ARHGAP25: variants seen among roughly 807,000 people sequenced by gnomAD.
ARHGAP25 encodes rho GTPase-activating protein 25.
In ARHGAP25, 34 loss-of-function variants were observed where a neutral mutation model predicts 71.0. The ratio of observed to expected loss-of-function variants is 0.48; its 90% CI spans 0.36 to 0.64. The LOEUF is 0.64. Among genes scored for constraint, ARHGAP25 ranks in the 30% least tolerant of loss-of-function variants. ARHGAP25 has a pLI of 0.00. For synonymous variants in ARHGAP25, 282 were observed against 296.5 expected, an observed-to-expected ratio of 0.95 and a Z score of 0.50; for missense variants, 706 against 805.1, an observed-to-expected ratio of 0.88 and a Z score of 1.49.
At chr2:68,782,663 A>C (rs2104391026) in intron 3 of ARHGAP25, among the ~76,000 whole-genome samples, 1 of 152,342 alleles carries the variant, frequency 6.6e-6, no homozygotes, top group South Asian at 2.1e-4. Context: ...CTCATTGTAG[A>C]AGGAGAGTAG....
At chr2:68,743,833 G>C (rs1675659989) in intron 1 of ARHGAP25, among the ~76,000 whole-genome samples, 1 of 152,118 alleles carries the variant, frequency 6.6e-6, no homozygotes, top group African/African-American at 2.4e-5. Flanking sequence ...ATGGAACTCA[G>C]TGTGAAAACC....
chr2:68,719,212 A>AC lies in ARHGAP25; in HGVS notation c.-18+8518dup, dbSNP rs1490854821. Among the ~76,000 whole-genome samples, 3 of 152,206 alleles carry AC rather than the reference A, an allele frequency of 2.0e-5. No homozygotes were observed. The East Asian group carries it at 5.8e-4, about 29-fold the overall frequency. On this transcript the variant is annotated intron_variant and NMD_transcript_variant, in intron 2 of 7. Transcript: ENST00000463483. ...TTTAAACTATTCTAGCAAATTATCA[A>AC]CCCCAAGGAGAGGGTCATGGGAGCC... is the stretch of plus-strand genomic sequence containing the variant.
At chr2:68,754,107 G>A (rs919866203) in intron 1 of ARHGAP25, among the ~76,000 whole-genome samples, 3 of 152,060 alleles carry the variant, frequency 2.0e-5, no homozygotes, top group Non-Finnish European at 2.9e-5. Flanking sequence ...GTTTCACCAT[G>A]TTAGCCTGGA....
intron 4 of ARHGAP25, among the ~76,000 whole-genome samples, chr2:68,800,898 A>T (rs577043844): frequency 1.8e-4 from 28 of 152,126 alleles, no homozygotes; most frequent in African/African-American, 6.7e-4. Flanking sequence ...TGGTAATTAT[A>T]TTACTTATAA....
intron 5 of ARHGAP25, among the ~76,000 whole-genome samples, chr2:68,810,086 C>T (rs1573604885): frequency 6.8e-6 from 1 of 147,080 alleles, no homozygotes. Flanking sequence ...AGCCGTTGAA[C>T]CCAGAAGCCA....
At chr2:68,781,156 G>C (rs1165826703) in intron 2 of ARHGAP25, among the ~76,000 whole-genome samples, 1 of 152,118 alleles carries the variant, frequency 6.6e-6, no homozygotes, top group Non-Finnish European at 1.5e-5. Context: ...GGGAGGCTGA[G>C]GTGGGTGGAT....
chr2:68,783,259 T>C (rs1031563504), intron 3 of ARHGAP25, among the ~76,000 whole-genome samples: 11 of 152,174 alleles, frequency 7.2e-5, no homozygotes, highest in Admixed American at 6.5e-5. Flanking sequence ...ATAATGATAA[T>C]AGTAAAGATT....
intron 2 of ARHGAP25, among the ~76,000 whole-genome samples, chr2:68,729,484 C>G (rs1674959243): frequency 6.6e-6 from 1 of 152,158 alleles, no homozygotes; most frequent in Admixed American, 6.5e-5. Flanking sequence ...TGATTCCTTG[C>G]AAAATCACTC....
intron 4 of ARHGAP25, 131 bp from the exon 5 acceptor site, chr2:68,807,142 T>G: frequency 2.5e-6 from 2 of 808,998 alleles, no homozygotes; most frequent in Non-Finnish European, 4.1e-6. Flanking sequence ...TTCTGAGTGA[T>G]TTATCTCCCA....
chr2:68,782,007 C>A (rs919056400), intron 2 of ARHGAP25, among the ~76,000 whole-genome samples: 2 of 152,124 alleles, frequency 1.3e-5, no homozygotes, highest in Non-Finnish European at 2.9e-5. Context: ...TATATCAGAA[C>A]CTTGTCTTTC....
intron 4 of ARHGAP25, among the ~76,000 whole-genome samples, chr2:68,800,910 T>A (rs1679918996): frequency 1.3e-5 from 2 of 151,988 alleles, no homozygotes; most frequent in South Asian, 4.1e-4. Context: ...TACTTATAAT[T>A]ATTATAATAA....
At chr2:68,803,043 T>C (rs902911274) in intron 4 of ARHGAP25, among the ~76,000 whole-genome samples, 4 of 152,038 alleles carry the variant, frequency 2.6e-5, no homozygotes, top group Non-Finnish European at 4.4e-5. Context: ...GGACCAGATA[T>C]GCAGATTAAT....
intron 5 of ARHGAP25, among the ~76,000 whole-genome samples, chr2:68,812,427 A>G (rs540419117): frequency 2.6e-5 from 4 of 152,312 alleles, no homozygotes; most frequent in South Asian, 2.1e-4. Context: ...CTTTCAGTCA[A>G]TCAGGCCCAC....
chr2:68,819,617 G>T (rs1195654295), intron 9 of ARHGAP25: 1 of 580,644 alleles, frequency 1.7e-6, no homozygotes, highest in Non-Finnish European at 3.1e-6. Flanking sequence ...GTCCAGAGAA[G>T]TTCAGTGGGA....
At chr2:68,732,127 CAGAG>C (rs2104270777), upstream of ARHGAP25, among the ~76,000 whole-genome samples, 1 of 152,154 alleles carries the variant, frequency 6.6e-6, no homozygotes, top group East Asian at 1.9e-4. Flanking sequence ...TTATGAAGAT[CAGAG>C]AGAGGGAGCG....
intron 1 of ARHGAP25, among the ~76,000 whole-genome samples, chr2:68,765,450 A>G (rs754478604): frequency 1.1e-4 from 16 of 152,186 alleles, no homozygotes; most frequent in Non-Finnish European, 2.2e-4. Flanking sequence ...AACATTCCAA[A>G]CACAACAGAG....
Position 68,826,069 on chromosome 2 carries a change from G to C in ARHGAP25, c.1816G>C (p.Ala606Pro), listed in dbSNP as rs747310847. The C allele has an allele frequency of 1.2e-6, 2 of 1,614,148 alleles. No homozygotes were observed. The highest frequency in any genetic ancestry group is 1.7e-6 in the Non-Finnish European group (2 of 1,180,020). ...GGAGAAGGAAAAGAAGAAGTCTGCA[G>C]CCCTAGAGATCAGCCTCCGCAACAT... ...ELEKEKKKSA[A>P]LEISLRNMER... Residue 606 changes from alanine to proline, a missense_variant, in exon 11 of 11, where the codon GCC becomes CCC. Ala to Pro is a conservative substitution (Grantham distance 27, BLOSUM62 -1). Transcript: ENST00000409202.
intron 4 of ARHGAP25, among the ~76,000 whole-genome samples, chr2:68,801,334 G>T (rs12713665): frequency 0.94 from 143,241 of 152,130 alleles, 67,481 homozygotes; most frequent in African/African-American, 0.96. Context: ...CCTCCAACAT[G>T]TAGAGGACAG....
intron 2 of ARHGAP25, among the ~76,000 whole-genome samples, chr2:68,713,587 G>C (rs1674538952): frequency 6.6e-6 from 1 of 152,202 alleles, no homozygotes; most frequent in East Asian, 1.9e-4. Context: ...TTTTCAAAGG[G>C]AATGCTTCTA....
Sources: allele counts gnomAD v4.1 joint callset (sites outside exome capture counted in the v4.1 genomes callset), GRCh38; gene constraint gnomAD v4.1.1; transcripts MANE v1.5; gene names NCBI Gene and HGNC (gene_info 2026-07-23, HGNC 2026-07-21).